The following TMEM117 variants were observed in gnomAD, a reference collection of about 807,000 sequenced individuals.
The protein encoded by TMEM117 is transmembrane protein 117.
In TMEM117, 27 loss-of-function variants were observed where a neutral mutation model predicts 52.4. The observed-to-expected ratio is 0.51, with a 90% CI of 0.38 to 0.71. The LOEUF (loss-of-function observed/expected upper bound fraction) is 0.71, where lower values mean the gene tolerates loss of function less well. TMEM117 is among the 30% of genes least tolerant of loss of function. The probability of loss-of-function intolerance (pLI) is 0.00; values close to 1 mark genes in which losing one functional copy is unlikely to be tolerated. For synonymous variants in TMEM117, 215 were observed against 206.3 expected, an observed-to-expected ratio of 1.04 and a Z score of -0.36; for missense variants, 556 against 630.5, an observed-to-expected ratio of 0.88 and a Z score of 1.26.
In TMEM117 at chr12:44,293,733, C is replaced by T. The variant is rs144761031; in HGVS notation, c.609-5847C>T. Among the ~76,000 whole-genome samples the T allele has an allele frequency of 2.0e-3, 305 of 152,146 alleles. 2 individuals carry two copies. Among genetic ancestry groups the T allele is most frequent in the African/African-American group, 6.9e-3 (286 of 41,532 alleles). On this transcript the variant is annotated intron_variant, in intron 5 of 7. Coordinates refer to ENST00000266534, the MANE Select transcript of TMEM117 (RefSeq NM_032256.3). Reference sequence around the variant, plus strand: ...ACGTTTTATGCTATTGATGTCACACCGTGCATCTCTTTATATTGTATATCT... The same window carrying T: ...ACGTTTTATGCTATTGATGTCACACTGTGCATCTCTTTATATTGTATATCT...
chr12:43,819,321 G>T, the TMEM117 span, among the ~76,000 whole-genome samples: 19,503 of 152,118 alleles, frequency 0.13, 1,473 homozygotes, highest in Middle Eastern at 0.21. Flanking sequence ...TCTGATTTTT[G>T]ATTCTAAAGT....
At chr12:44,061,630 G>A (rs1947139457) in intron 3 of TMEM117, among the ~76,000 whole-genome samples, 2 of 152,046 alleles carry the variant, frequency 1.3e-5, no homozygotes, top group Admixed American at 1.3e-4. Context: ...GGATGTACTT[G>A]GTATGATTAC....
intron 2 of TMEM117, among the ~76,000 whole-genome samples, chr12:43,920,567 T>G (rs1353061946): frequency 1.3e-3 from 173 of 130,430 alleles, no homozygotes; most frequent in African/African-American, 5.7e-3. Context: ...TTTTTTTTTT[T>G]TTTGACAGGA....
intron 5 of TMEM117, among the ~76,000 whole-genome samples, chr12:44,294,129 C>G (rs1182956411): frequency 6.6e-6 from 1 of 152,094 alleles, no homozygotes; most frequent in Non-Finnish European, 1.5e-5. Flanking sequence ...TCATTCCACT[C>G]TCTCCTGGTT....
At chr12:43,796,808 G>A in the TMEM117 span, among the ~76,000 whole-genome samples, 1 of 151,948 alleles carries the variant, frequency 6.6e-6, no homozygotes, top group Non-Finnish European at 1.5e-5. Flanking sequence ...ATATAGAGAT[G>A]GGGATCATGA....
chr12:43,827,056 G>A, the TMEM117 span, among the ~76,000 whole-genome samples: 5 of 151,040 alleles, frequency 3.3e-5, no homozygotes, highest in East Asian at 9.7e-4. Flanking sequence ...CTAGTATGTG[G>A]ACTACTTATT....
At chr12:43,828,627 T>C in the TMEM117 span, among the ~76,000 whole-genome samples, 1 of 152,254 alleles carries the variant, frequency 6.6e-6, no homozygotes, top group South Asian at 2.1e-4. Context: ...TTAAAATTCC[T>C]GGTGCCAATT....
At chr12:43,944,085 A>C in intron 2 of TMEM117, 125 bp from the exon 3 acceptor site, 1 of 774,848 alleles carries the variant, frequency 1.3e-6, no homozygotes, top group South Asian at 2.1e-5. Flanking sequence ...CTTCACTCAT[A>C]AGGCAGTCTT....
chr12:44,372,102 C>T (rs74085149), intron 6 of TMEM117, among the ~76,000 whole-genome samples: 2,773 of 152,210 alleles, frequency 0.018, 94 homozygotes, highest in African/African-American at 0.063. Flanking sequence ...ATCACTGAAC[C>T]ACAAATCTGA....
intron 4 of TMEM117, among the ~76,000 whole-genome samples, chr12:44,152,089 A>G (rs1189539430): frequency 8.7e-6 from 1 of 115,028 alleles, no homozygotes; most frequent in African/African-American, 3.6e-5. Context: ...TTTATATTAT[A>G]AACATAAATA....
chr12:43,934,692 G>C (rs1303605941), intron 2 of TMEM117, among the ~76,000 whole-genome samples: 1 of 151,914 alleles, frequency 6.6e-6, no homozygotes, highest in African/African-American at 2.4e-5. Flanking sequence ...TTGATATTCT[G>C]TCAAATTCAG....
chr12:44,016,437 C>G (rs1190238575), intron 3 of TMEM117, among the ~76,000 whole-genome samples: 1 of 152,202 alleles, frequency 6.6e-6, no homozygotes, highest in African/African-American at 2.4e-5. Flanking sequence ...CTCCCTGTGT[C>G]CCACCTGCCC....
intron 2 of TMEM117, among the ~76,000 whole-genome samples, chr12:43,925,602 GT>G (rs1186244298): frequency 1.3e-5 from 2 of 152,074 alleles, no homozygotes; most frequent in Non-Finnish European, 2.9e-5. Flanking sequence ...GTTTCCCAGG[GT>G]TTCCACATTT....
intron 6 of TMEM117, among the ~76,000 whole-genome samples, chr12:44,358,025 A>G (rs912732686): frequency 2.6e-5 from 4 of 152,136 alleles, no homozygotes; most frequent in African/African-American, 9.6e-5. Flanking sequence ...TTTTCAGCAA[A>G]TGGATGCCAC....
intron 2 of TMEM117, among the ~76,000 whole-genome samples, chr12:43,916,184 C>CAAAT (rs1425322875): frequency 3.3e-5 from 5 of 152,216 alleles, no homozygotes; most frequent in Non-Finnish European, 5.9e-5. Flanking sequence ...GGAGGGATTC[C>CAAAT]CTGTTCCACC....
chr12:43,919,622 A>G (rs1284190953), intron 2 of TMEM117, among the ~76,000 whole-genome samples: 2 of 152,178 alleles, frequency 1.3e-5, no homozygotes, highest in Non-Finnish European at 2.9e-5. Context: ...TGCAGATATC[A>G]CTTTGAGATC....
At chr12:44,143,774 A>G (rs1948603563) in intron 4 of TMEM117, 150 bp downstream of exon 4, 1 of 603,430 alleles carries the variant, frequency 1.7e-6, no homozygotes, top group Non-Finnish European at 2.9e-6. Context: ...TCCAGAGATT[A>G]TATCCAATAT....
chr12:44,000,431 C>T (rs775594002), intron 3 of TMEM117, among the ~76,000 whole-genome samples: 14 of 152,172 alleles, frequency 9.2e-5, no homozygotes, highest in Non-Finnish European at 1.6e-4. Flanking sequence ...AGGACTTGCT[C>T]CTCAGACTGC....
intron 5 of TMEM117, among the ~76,000 whole-genome samples, chr12:44,252,562 T>G (rs1950208669): frequency 6.6e-6 from 1 of 152,164 alleles, no homozygotes; most frequent in African/African-American, 2.4e-5. Context: ...TGAATGCCAT[T>G]TTTTGTGAAG....
Sources: gnomAD v4.1 joint callset for allele counts (sites outside exome capture counted in the v4.1 genomes callset) on GRCh38, gnomAD v4.1.1 for gene constraint, MANE v1.5 for transcripts, NCBI Gene and HGNC (gene_info 2026-07-23, HGNC 2026-07-21) for gene names.